VPS13C: variants seen among roughly 807,000 people sequenced by gnomAD.
VPS13C encodes intermembrane lipid transfer protein VPS13C.
Under a neutral mutation model 456.8 loss-of-function variants are expected in VPS13C, and 358 were observed. The observed-to-expected ratio is 0.78, with a 90% CI of 0.72 to 0.86. The LOEUF is 0.86. VPS13C is among the 40% of genes least tolerant of loss of function. The pLI is 0.00. For missense variants in VPS13C, 4,818 were observed against 4,385.4 expected, an observed-to-expected ratio of 1.10 and a Z score of -2.79; for synonymous variants, 1,578 against 1,486.7, an observed-to-expected ratio of 1.06 and a Z score of -1.41.
rs757605990 is a variant in VPS13C at position 61,961,831 on chromosome 15, T to G, written c.3666A>C (p.Ala1222=). ...ESLSAATAQA[A]ERAATSVKDL... ...CTTTCACACTTGTGGCAGCCCTTTCTGCAGCCTGGGCAGTGGCAGCACTCA... is the reference window on the plus strand; with the variant it reads ...CTTTCACACTTGTGGCAGCCCTTTCGGCAGCCTGGGCAGTGGCAGCACTCA... The change falls in exon 35 of 85, where the codon GCA becomes GCC. Residue 1222 remains alanine (A), a synonymous_variant. Coordinates refer to ENST00000644861, the MANE Select transcript of VPS13C (RefSeq NM_020821.3). The G allele has an allele frequency of 1.4e-5, 22 of 1,614,052 alleles. No individual in the cohort carries two copies. The highest frequency in any genetic ancestry group is 6.8e-6 in the Non-Finnish European group (8 of 1,179,968).
intron 49 of VPS13C, among the ~76,000 whole-genome samples, chr15:61,932,246 G>A (rs946018143): frequency 1.3e-5 from 2 of 152,130 alleles, no homozygotes; most frequent in African/African-American, 4.8e-5. Flanking sequence ...CAGAGGCTGA[G>A]TGGGATCAGA....
rs1435630614 is a variant in VPS13C, at chr15:61,930,711, AC to A, written c.6038+378del. ...AATTTTGCATAACTGTTTTAAAAAG[AC>A]ATGATCAAAATAAACATGATGAAGG... On this transcript the variant is annotated intron_variant, in intron 50 of 84. Coordinates refer to ENST00000644861, the MANE Select transcript of VPS13C (RefSeq NM_020821.3). Among the ~76,000 whole-genome samples the A allele has an allele frequency of 1.4e-4, 22 of 152,328 alleles. No homozygotes were observed. In the East Asian group the frequency reaches 4.2e-3, roughly 29 times the overall value.
intron 15 of VPS13C, among the ~76,000 whole-genome samples, chr15:62,002,911 T>G (rs2046683781): frequency 6.6e-6 from 1 of 152,216 alleles, no homozygotes; most frequent in African/African-American, 2.4e-5. Flanking sequence ...CATGCTGTTT[T>G]GGTTACTGTA....
intron 51 of VPS13C, among the ~76,000 whole-genome samples, chr15:61,928,556 A>T (rs566225477): frequency 1.3e-5 from 2 of 152,224 alleles, no homozygotes; most frequent in African/African-American, 4.8e-5. Flanking sequence ...TTAGAGAGAA[A>T]AATATCTGAC....
chr15:61,917,240 T>C, intron 60 of VPS13C, 101 bp downstream of exon 60: 3 of 1,214,010 alleles, frequency 2.5e-6, no homozygotes, highest in Non-Finnish European at 3.4e-6. Flanking sequence ...ACATTACACA[T>C]ACGCTATATA....
At chr15:61,977,611 C>T (rs902533298) in intron 23 of VPS13C, among the ~76,000 whole-genome samples, 1 of 151,954 alleles carries the variant, frequency 6.6e-6, no homozygotes, top group Non-Finnish European at 1.5e-5. Context: ...ACAATATTTA[C>T]ACCCAGCTTG....
chr15:61,954,536 AG>A lies in VPS13C; in HGVS notation c.4183del (p.Glu1396LysfsTer15). 1 of 1,582,232 alleles carries A rather than the reference AG, an allele frequency of 6.3e-7. No individual in the cohort carries two copies. Among genetic ancestry groups the A allele is most frequent in the Non-Finnish European group, 8.5e-7 (1 of 1,170,058 alleles). On this transcript the variant is annotated frameshift_variant, in exon 38 of 85. Coordinates refer to ENST00000644861, the MANE Select transcript of VPS13C (RefSeq NM_020821.3). LOFTEE classifies it high-confidence loss of function. ...TACATCTTGTGATATAGAGATTTCA[AG>A]GGGCTCTTTAATTTCACCTGAAATG... ...VQETGEIKEPLEISISQDVHD... is the reference protein window; with the variant it reads ...VQETGEIKEPXEISISQDVHD...
intron 3 of VPS13C, among the ~76,000 whole-genome samples, chr15:62,035,674 C>G (rs185028839): frequency 6.6e-6 from 1 of 151,966 alleles, no homozygotes; most frequent in Non-Finnish European, 1.5e-5. Context: ...GCAAGGCATA[C>G]GGTATTATGA....
chr15:62,058,969 G>A (rs1047268141), intron 1 of VPS13C, among the ~76,000 whole-genome samples: 11 of 150,842 alleles, frequency 7.3e-5, no homozygotes, highest in African/African-American at 1.2e-4. Context: ...AGGCTCTTCC[G>A]TAATTCAGGG....
chr15:62,011,792 AAAAG>A (rs2047048303), intron 12 of VPS13C, among the ~76,000 whole-genome samples: 1 of 151,888 alleles, frequency 6.6e-6, no homozygotes, highest in Non-Finnish European at 1.5e-5. Flanking sequence ...ACTTTTTGAA[AAAAG>A]AAAGAAAATC....
chr15:61,977,045 T>G (rs563928680), intron 24 of VPS13C, 37 bp downstream of exon 24: 3 of 1,418,612 alleles, frequency 2.1e-6, no homozygotes, highest in African/African-American at 1.4e-5. Context: ...ATATTTCACC[T>G]GTTGATTTTC....
chr15:61,865,766 G>A lies in VPS13C; in HGVS notation c.10864-2238C>T, dbSNP rs192836678. 1,530 of 633,108 alleles carry A rather than the reference G, an allele frequency of 2.4e-3. 5 individuals are homozygous for A. The highest frequency in any genetic ancestry group is 2.6e-3 in the Non-Finnish European group (1,335 of 515,038). The allele number at this position is 633,108 out of a possible 1,614,324, so 39.2% of individuals were successfully genotyped here. ...TATCTGTATGTGTACATATATGTACGTGTGTATATATGTATGTGTATATAT... is the reference window on the plus strand; with the variant it reads ...TATCTGTATGTGTACATATATGTACATGTGTATATATGTATGTGTATATAT... On this transcript the variant is annotated intron_variant, in intron 81 of 84. Transcript: ENST00000644861.
chr15:62,005,463 CTT>C (rs1396096544), intron 15 of VPS13C, among the ~76,000 whole-genome samples: 6 of 152,104 alleles, frequency 3.9e-5, no homozygotes, highest in Admixed American at 1.3e-4. Context: ...GGTCTTGACT[CTT>C]TATCCAATTT....
At chr15:61,913,914 C>A (rs2043380442) in intron 61 of VPS13C, among the ~76,000 whole-genome samples, 1 of 152,038 alleles carries the variant, frequency 6.6e-6, no homozygotes, top group Non-Finnish European at 1.5e-5. Context: ...TTAGGAAATA[C>A]ATACGAAAAA....
intron 3 of VPS13C, among the ~76,000 whole-genome samples, chr15:62,041,098 T>C (rs530086519): frequency 5.3e-5 from 8 of 152,182 alleles, no homozygotes; most frequent in South Asian, 2.1e-4. Flanking sequence ...AAGAATGCAA[T>C]TGCAGTTCAA....
At chr15:62,037,395 A>ATTATATATAAATGTATATAATATG (rs1567137309) in intron 3 of VPS13C, among the ~76,000 whole-genome samples, 49 of 105,948 alleles carry the variant, frequency 4.6e-4, no homozygotes, top group African/African-American at 1.7e-3. Context: ...TATATAATAT[A>ATTATATATAAATGTATATAATATG]TTATATATAA....
At chr15:62,001,252 G>C (rs556755553) in intron 15 of VPS13C, among the ~76,000 whole-genome samples, 3 of 152,156 alleles carry the variant, frequency 2.0e-5, no homozygotes, top group African/African-American at 4.8e-5. Context: ...AGAAACTTGT[G>C]TCCATAATCA....
chr15:61,956,867 C>G (rs1445008254), intron 37 of VPS13C, among the ~76,000 whole-genome samples: 1 of 152,072 alleles, frequency 6.6e-6, no homozygotes, highest in Non-Finnish European at 1.5e-5. Context: ...TTGGTACAAC[C>G]AGTTGGAAAA....
At chr15:62,039,736 G>A (rs532983504) in intron 3 of VPS13C, among the ~76,000 whole-genome samples, 1 of 152,206 alleles carries the variant, frequency 6.6e-6, no homozygotes, top group East Asian at 1.9e-4. Flanking sequence ...TGGAGAAAAG[G>A]AAGACCTTGT....
Sources: allele counts gnomAD v4.1 joint callset (sites outside exome capture counted in the v4.1 genomes callset), GRCh38; gene constraint gnomAD v4.1.1; transcripts MANE v1.5; gene names NCBI Gene and HGNC (gene_info 2026-07-23, HGNC 2026-07-21).